Variants in RBFOX1 observed in about 807,000 individuals in gnomAD.
RBFOX1 encodes RNA binding fox-1 homolog 1.
In RBFOX1, 8 loss-of-function variants were observed where a neutral mutation model predicts 57.7. That is an observed-to-expected ratio of 0.14 (90% CI 0.08 to 0.25). The LOEUF is 0.25. Among genes scored for constraint, RBFOX1 ranks in the 10% least tolerant of loss-of-function variants. The probability of loss-of-function intolerance (pLI) is 1.00; values close to 1 mark genes in which losing one functional copy is unlikely to be tolerated. For missense variants in RBFOX1, 611 were observed against 548.5 expected, an observed-to-expected ratio of 1.11 and a Z score of -1.14; for synonymous variants, 326 against 222.4, an observed-to-expected ratio of 1.47 and a Z score of -4.15.
intron 3 of RBFOX1, among the ~76,000 whole-genome samples, chr16:6,856,821 G>T (rs762298154): frequency 1.3e-5 from 2 of 152,102 alleles, no homozygotes; most frequent in African/African-American, 4.8e-5. Flanking sequence ...CATTGCGATT[G>T]TCAAACCACT....
At chr16:7,162,465 C>G (rs1234411544) in intron 4 of RBFOX1, among the ~76,000 whole-genome samples, 2 of 151,744 alleles carry the variant, frequency 1.3e-5, no homozygotes, top group African/African-American at 4.9e-5. Flanking sequence ...CGCAGTAACT[C>G]ACGCCTGTAA....
In RBFOX1 at chr16:6,859,700, C is replaced by T. The variant is rs555894546; in HGVS notation, c.-15-192357C>T. On this transcript the variant is annotated intron_variant, in intron 3 of 15. Coordinates refer to ENST00000550418, the MANE Select transcript of RBFOX1 (RefSeq NM_018723.4). ...TTAATTCAAATTTTTTAATCGACTACGGTATCAGCAAAATGAGAAATGTCT... is the reference window on the plus strand; with the variant it reads ...TTAATTCAAATTTTTTAATCGACTATGGTATCAGCAAAATGAGAAATGTCT... 2.6e-4 allele frequency among the ~76,000 whole-genome samples: 39 copies of T among 152,182 alleles called. No homozygotes were observed. In the South Asian group the frequency reaches 6.3e-3, roughly 24 times the overall value.
chr16:5,552,320 G>C (rs147307622), intron 2 of RBFOX1, among the ~76,000 whole-genome samples: 5 of 152,174 alleles, frequency 3.3e-5, no homozygotes, highest in African/African-American at 1.2e-4. Context: ...AACATGCAGA[G>C]TGTTTCTGCC....
At chr16:6,512,206 C>T (rs1003123228) in intron 2 of RBFOX1, among the ~76,000 whole-genome samples, 3 of 143,642 alleles carry the variant, frequency 2.1e-5, no homozygotes, top group Non-Finnish European at 4.5e-5. Context: ...ATTGCTTGAG[C>T]CCAGGAGGTT....
intron 4 of RBFOX1, among the ~76,000 whole-genome samples, chr16:5,892,917 A>C (rs2058080342): frequency 6.6e-6 from 1 of 152,130 alleles, no homozygotes; most frequent in African/African-American, 2.4e-5. Context: ...GCCTTGAATA[A>C]AGTTGAGCTT....
chr16:6,424,407 C>T (rs1009515383), intron 2 of RBFOX1, among the ~76,000 whole-genome samples: 6 of 152,084 alleles, frequency 3.9e-5, no homozygotes, highest in African/African-American at 1.4e-4. Flanking sequence ...CAGTGGTTAT[C>T]AATAGGCAGT....
intron 2 of RBFOX1, among the ~76,000 whole-genome samples, chr16:6,478,429 A>ATTTTT (rs58352204): frequency 0.012 from 304 of 24,532 alleles, 28 homozygotes; most frequent in South Asian, 0.033. Context: ...ATATATATAT[A>ATTTTT]TTTTTTTTTT....
intron 1 of RBFOX1, among the ~76,000 whole-genome samples, chr16:6,164,246 T>G (rs530122746): frequency 6.6e-6 from 1 of 152,318 alleles, no homozygotes; most frequent in South Asian, 2.1e-4. Flanking sequence ...TCTGTATCTT[T>G]GAATTATATG....
In RBFOX1 at chr16:6,852,948, G is replaced by C. The variant is rs74620924; in HGVS notation, c.-16+198298G>C. Among the ~76,000 whole-genome samples the C allele has an allele frequency of 1.4e-3, 208 of 152,328 alleles. 4 individuals are homozygous for C. In the East Asian group the frequency reaches 0.031, roughly 22 times the overall value. On this transcript the variant is annotated intron_variant, in intron 3 of 15. Transcript: ENST00000550418. ...TCCATGCAAGGAGGATGCTGGGACT[G>C]TGTTGATGACATCAAGAGACCATGT...
intron 3 of RBFOX1, among the ~76,000 whole-genome samples, chr16:6,694,377 C>G (rs1024335768): frequency 6.6e-6 from 1 of 152,166 alleles, no homozygotes; most frequent in Non-Finnish European, 1.5e-5. Context: ...ATCCACAGTT[C>G]TCATCCAAAT....
intron 4 of RBFOX1, among the ~76,000 whole-genome samples, chr16:5,901,271 A>G (rs2058299722): frequency 6.6e-6 from 1 of 152,096 alleles, no homozygotes; most frequent in Non-Finnish European, 1.5e-5. Context: ...GCAGGTCCTA[A>G]TCGTTCCTCT....
chr16:7,504,377 G>C (rs1274966205), intron 4 of RBFOX1, among the ~76,000 whole-genome samples: 3 of 151,798 alleles, frequency 2.0e-5, no homozygotes, highest in African/African-American at 7.3e-5. Context: ...AATCTACCTG[G>C]GTTCTGGATC....
At chr16:7,508,648 A>G (rs1321079457) in intron 4 of RBFOX1, among the ~76,000 whole-genome samples, 2 of 152,192 alleles carry the variant, frequency 1.3e-5, no homozygotes, top group African/African-American at 4.8e-5. Flanking sequence ...AATACTATGT[A>G]TCCAGATTTT....
chr16:5,910,152 G>T (rs891834236), intron 4 of RBFOX1, among the ~76,000 whole-genome samples: 1 of 152,130 alleles, frequency 6.6e-6, no homozygotes, highest in African/African-American at 2.4e-5. Context: ...ATCACATGGG[G>T]GTTTGTGAAG....
chr16:7,217,897 T>C (rs1363269756), intron 4 of RBFOX1, among the ~76,000 whole-genome samples: 2 of 127,688 alleles, frequency 1.6e-5, no homozygotes, highest in East Asian at 3.5e-4. Context: ...TGCATGCGTA[T>C]GTGTGTGCAT....
chr16:5,543,004 T>G (rs1201221059), intron 2 of RBFOX1, among the ~76,000 whole-genome samples: 1 of 152,142 alleles, frequency 6.6e-6, no homozygotes, highest in African/African-American at 2.4e-5. Context: ...TATAAGACAT[T>G]GGGTAGAGTA....
At chr16:7,687,298 G>C (rs554323721) in intron 14 of RBFOX1, among the ~76,000 whole-genome samples, 2 of 152,150 alleles carry the variant, frequency 1.3e-5, no homozygotes, top group African/African-American at 4.8e-5. Context: ...TGGAAAGGAG[G>C]TAAAATACTG....
intron 2 of RBFOX1, among the ~76,000 whole-genome samples, chr16:6,551,089 A>G (rs2096981297): frequency 6.6e-6 from 1 of 152,176 alleles, no homozygotes; most frequent in Non-Finnish European, 1.5e-5. Flanking sequence ...ATTTTATGTG[A>G]TAATGGCTCT....
At chr16:5,769,273 T>G (rs2043633) in intron 3 of RBFOX1, among the ~76,000 whole-genome samples, 61,920 of 151,682 alleles carry the variant, frequency 0.41, 12,956 homozygotes, top group East Asian at 0.61. Flanking sequence ...GACAGGGTGT[T>G]TATGGAGCTA....
Sources: gnomAD v4.1 joint callset for allele counts (sites outside exome capture counted in the v4.1 genomes callset) on GRCh38, gnomAD v4.1.1 for gene constraint, MANE v1.5 for transcripts, NCBI Gene and HGNC (gene_info 2026-07-23, HGNC 2026-07-21) for gene names.